BCAS1: variants seen among roughly 807,000 people sequenced by gnomAD.
The protein encoded by BCAS1 is brain enriched myelin associated protein 1.
Under a neutral mutation model 65.4 loss-of-function variants are expected in BCAS1, and 46 were observed. The ratio of observed to expected loss-of-function variants is 0.70; its 90% CI spans 0.55 to 0.90. The LOEUF is 0.90. Among genes scored for constraint, BCAS1 ranks in the 40% least tolerant of loss-of-function variants. The pLI is 0.00. For missense variants in BCAS1, 793 were observed against 771.2 expected (o/e 1.03, Z -0.33); for synonymous variants, 298 against 293.5 (o/e 1.02, Z -0.16).
rs140247734 is a variant in BCAS1, at chr20:54,069,957, C to A, written c.-6+476G>T. Reference sequence around the variant, plus strand: ...AGCTGCCTCATAGGGTGGTCTTGAGCGTTAAATAAGATTCACAAAAGGCAC... The same window carrying A: ...AGCTGCCTCATAGGGTGGTCTTGAGAGTTAAATAAGATTCACAAAAGGCAC... On this transcript the variant is annotated intron_variant, in intron 1 of 12. Coordinates refer to ENST00000688948, the MANE Select transcript of BCAS1 (RefSeq NM_001366298.2). Among the ~76,000 whole-genome samples, 964 of 152,282 alleles carry A rather than the reference C, an allele frequency of 6.3e-3. 7 individuals carry two copies. The highest frequency in any genetic ancestry group is 0.022 in the African/African-American group (925 of 41,558).
intron 8 of BCAS1, among the ~76,000 whole-genome samples, chr20:53,982,856 C>T (rs1031794268): frequency 1.3e-5 from 2 of 152,078 alleles, no homozygotes; most frequent in Non-Finnish European, 2.9e-5. Flanking sequence ...CAACTTAGCA[C>T]AAATAAAGTA....
chr20:53,967,922 T>C (rs950447577), intron 9 of BCAS1, among the ~76,000 whole-genome samples: 4 of 152,244 alleles, frequency 2.6e-5, no homozygotes, highest in Non-Finnish European at 4.4e-5. Context: ...GGTTTTTTAA[T>C]TTCCTTTGTT....
At chr20:54,017,404 T>TC (rs2091462348) in intron 4 of BCAS1, among the ~76,000 whole-genome samples, 1 of 97,652 alleles carries the variant, frequency 1.0e-5, no homozygotes, top group East Asian at 8.5e-4. Flanking sequence ...CTTTTCTTTT[T>TC]TTTTTTTTTG....
At chr20:53,974,955 GA>G (rs1325116154) in intron 9 of BCAS1, among the ~76,000 whole-genome samples, 3 of 152,178 alleles carry the variant, frequency 2.0e-5, no homozygotes, top group African/African-American at 7.2e-5. Flanking sequence ...GTTGCTGCAA[GA>G]TGTTCTCATG....
At chr20:54,012,737 G>A (rs1275881030) in intron 4 of BCAS1, among the ~76,000 whole-genome samples, 8 of 152,164 alleles carry the variant, frequency 5.3e-5, no homozygotes, top group South Asian at 2.1e-4. Context: ...AAAAGATCCC[G>A]TTTAATTCTT....
chr20:53,968,379 G>T (rs2090092948), intron 9 of BCAS1, among the ~76,000 whole-genome samples: 1 of 152,134 alleles, frequency 6.6e-6, no homozygotes, highest in African/African-American at 2.4e-5. Context: ...CTTGTTCTTG[G>T]TGTCAGGGGG....
chr20:54,068,433 T>A (rs975845811), intron 1 of BCAS1: 1 of 154,282 alleles, frequency 6.5e-6, no homozygotes, highest in Non-Finnish European at 1.5e-5. Context: ...AAGGCAACCA[T>A]CTCTGGTGCA....
intron 10 of BCAS1, among the ~76,000 whole-genome samples, chr20:53,963,426 G>T (rs111353245): frequency 6.6e-6 from 1 of 151,812 alleles, no homozygotes; most frequent in African/African-American, 2.4e-5. Context: ...GGTTGCAGCG[G>T]GCAGAGATTG....
intron 3 of BCAS1, among the ~76,000 whole-genome samples, chr20:54,056,893 T>C (rs2092305088): frequency 6.6e-6 from 1 of 152,218 alleles, no homozygotes; most frequent in South Asian, 2.1e-4. Flanking sequence ...TGTGCTTTCA[T>C]TATATCAGAT....
intron 6 of BCAS1, among the ~76,000 whole-genome samples, chr20:53,993,312 A>G (rs2090812609): frequency 6.6e-6 from 1 of 152,212 alleles, no homozygotes; most frequent in Non-Finnish European, 1.5e-5. Flanking sequence ...ACTTTCGTGT[A>G]GGGAAGGTAG....
intron 10 of BCAS1, among the ~76,000 whole-genome samples, chr20:53,959,361 C>A (rs1035590525): frequency 1.3e-5 from 2 of 151,894 alleles, no homozygotes; most frequent in African/African-American, 4.8e-5. Flanking sequence ...TCAAGAAATT[C>A]TCCTGCTTCA....
chr20:54,060,774 C>T (rs768545875), intron 1 of BCAS1, among the ~76,000 whole-genome samples: 33 of 152,156 alleles, frequency 2.2e-4, no homozygotes, highest in Admixed American at 1.2e-3. Flanking sequence ...TTATGTCTCC[C>T]TTCCACAAGA....
At chr20:53,980,040 GT>G (rs1286445202) in intron 8 of BCAS1, among the ~76,000 whole-genome samples, 2 of 152,086 alleles carry the variant, frequency 1.3e-5, no homozygotes, top group Non-Finnish European at 2.9e-5. Flanking sequence ...GTTATATTAG[GT>G]TCCAAAGTTG....
intron 3 of BCAS1, among the ~76,000 whole-genome samples, chr20:54,043,915 G>A (rs950653460): frequency 6.6e-6 from 1 of 152,128 alleles, no homozygotes; most frequent in African/African-American, 2.4e-5. Flanking sequence ...TTGCTCTTTG[G>A]GGTATGCTTT....
In BCAS1 at chr20:54,050,404, T is replaced by G. The variant is rs558925022; in HGVS notation, c.142+7681A>C. Reference sequence around the variant, plus strand: ...TGTGCTGGACTCTTAGCTATAATACTCTGTGGTCTCATACATGAAGAAATT... The same window carrying G: ...TGTGCTGGACTCTTAGCTATAATACGCTGTGGTCTCATACATGAAGAAATT... On this transcript the variant is annotated intron_variant, in intron 3 of 12. Transcript: ENST00000688948. Among the ~76,000 whole-genome samples, 5 of 152,314 alleles carry G rather than the reference T, an allele frequency of 3.3e-5. No individual in the cohort carries two copies. In the East Asian group the frequency reaches 9.6e-4, roughly 29 times the overall value.
chr20:53,985,187 C>T, intron 8 of BCAS1, 100 bp downstream of exon 8: 1 of 1,158,572 alleles, frequency 8.6e-7, no homozygotes, highest in Non-Finnish European at 1.3e-6. Flanking sequence ...AGAAGAAACA[C>T]CTTCCATACA....
Position 54,058,690 on chromosome 20 carries a change from CTT to C in BCAS1, c.27_28del (p.Arg10SerfsTer2). ...TGGTTCATTCTCTTGGTCTTCAACT[CTT>C]TGGGGAACACTCATTTGGTTACCCA... On this transcript the variant is annotated frameshift_variant, in exon 2 of 13. Transcript: ENST00000688948. LOFTEE classifies it high-confidence loss of function. 1 of 1,586,460 alleles carries C rather than the reference CTT, an allele frequency of 6.3e-7. No homozygotes were observed. The highest frequency in any genetic ancestry group is 8.6e-7 in the Non-Finnish European group (1 of 1,165,916).
At chr20:54,054,918 CATGT>C (rs2092273620) in intron 3 of BCAS1, among the ~76,000 whole-genome samples, 1 of 152,072 alleles carries the variant, frequency 6.6e-6, no homozygotes, top group Non-Finnish European at 1.5e-5. Context: ...TATGTGCATA[CATGT>C]ATGTGAGACA....
chr20:53,955,869 T>G (rs1391083445), intron 11 of BCAS1, among the ~76,000 whole-genome samples: 2 of 152,230 alleles, frequency 1.3e-5, no homozygotes, highest in African/African-American at 2.4e-5. Context: ...ATTCCTTCAC[T>G]GTAAAATTCC....
Sources: allele counts gnomAD v4.1 joint callset (sites outside exome capture counted in the v4.1 genomes callset), GRCh38; gene constraint gnomAD v4.1.1; transcripts MANE v1.5; gene names NCBI Gene and HGNC (gene_info 2026-07-23, HGNC 2026-07-21).